The following CACNA1C variants were observed in gnomAD, a reference collection of about 807,000 sequenced individuals.
CACNA1C encodes voltage-dependent L-type calcium channel subunit alpha-1C.
A neutral mutation model predicts 229.0 loss-of-function variants in CACNA1C; 30 were observed. The ratio of observed to expected loss-of-function variants is 0.13; its 90% CI spans 0.10 to 0.18. CACNA1C has a LOEUF of 0.18. Among genes scored for constraint, CACNA1C ranks in the 10% least tolerant of loss-of-function variants. CACNA1C has a pLI of 1.00. For missense variants in CACNA1C, 1,658 were observed against 2,845.0 expected, an observed-to-expected ratio of 0.58 and a Z score of 9.49; for synonymous variants, 1,114 against 1,132.5, an observed-to-expected ratio of 0.98 and a Z score of 0.33.
chr12:2,190,167 C>A (rs2154295944), intron 3 of CACNA1C, among the ~76,000 whole-genome samples: 1 of 152,312 alleles, frequency 6.6e-6, no homozygotes, highest in South Asian at 2.1e-4. Context: ...ATGACACTGT[C>A]TCTCTCCTTA....
intron 3 of CACNA1C, among the ~76,000 whole-genome samples, chr12:2,347,908 G>T (rs959339667): frequency 3.3e-5 from 5 of 152,276 alleles, no homozygotes; most frequent in Admixed American, 2.6e-4. Flanking sequence ...TTGGTAGGCT[G>T]TTGGAGTATC....
intron 3 of CACNA1C, among the ~76,000 whole-genome samples, chr12:2,333,159 C>G (rs2096597706): frequency 6.6e-6 from 1 of 152,156 alleles, no homozygotes; most frequent in South Asian, 2.1e-4. Context: ...ACCTACAGGT[C>G]TTGATGGGCT....
intron 9 of CACNA1C, among the ~76,000 whole-genome samples, chr12:2,522,252 T>C (rs1178080378): frequency 1.3e-5 from 2 of 152,180 alleles, no homozygotes; most frequent in Non-Finnish European, 2.9e-5. Context: ...TAGAAAGCTC[T>C]TGGGAGGCAG....
At chr12:2,592,255 T>C (rs979052139) in intron 18 of CACNA1C, among the ~76,000 whole-genome samples, 1 of 152,224 alleles carries the variant, frequency 6.6e-6, no homozygotes. Context: ...GTAGAGGTTG[T>C]AATAAAAGCA....
intron 26 of CACNA1C, chr12:2,607,765 T>C (rs1357765777): frequency 6.6e-6 from 1 of 152,268 alleles, no homozygotes; most frequent in South Asian, 2.1e-4. Context: ...TTTCCCCCAA[T>C]ATGTATTCCA....
chr12:2,688,378 C>G, intron 45 of CACNA1C, 69 bp from the exon 46 acceptor site: 1 of 1,457,556 alleles, frequency 6.9e-7, no homozygotes, highest in Non-Finnish European at 9.6e-7. Context: ...AGTGCTTGCT[C>G]AGAAGCAGGG....
At chr12:2,169,570 T>C (rs1289443751) in intron 3 of CACNA1C, among the ~76,000 whole-genome samples, 10 of 152,166 alleles carry the variant, frequency 6.6e-5, no homozygotes, top group Admixed American at 6.5e-4. Flanking sequence ...GTCTCTCTCT[T>C]CTGTCATGTT....
intron 3 of CACNA1C, among the ~76,000 whole-genome samples, chr12:2,432,129 C>T (rs559013413): frequency 6.6e-6 from 1 of 152,286 alleles, no homozygotes; most frequent in African/African-American, 2.4e-5. Flanking sequence ...CAAAAAAAAG[C>T]CAAAATTATG....
In CACNA1C at chr12:2,486,237, C is replaced by T. The variant is rs1199427745; in HGVS notation, c.891C>T (p.Thr297=). 6.2e-7 allele frequency: 1 copy of T among 1,613,446 alleles called. No homozygotes were observed. The highest frequency in any genetic ancestry group is 1.3e-5 in the African/African-American group (1 of 74,892). The part of the protein sequence containing the change: ...LELFMGKMHK[T]CYNQEGIADV... ...TCTTCATGGGGAAGATGCACAAGACCTGCTACAACCAGGAGGGCATAGCAG... is the reference window on the plus strand; with the variant it reads ...TCTTCATGGGGAAGATGCACAAGACTTGCTACAACCAGGAGGGCATAGCAG... Residue 297 remains threonine, a synonymous_variant, in exon 6 of 47, where the codon ACC becomes ACT. Transcript: ENST00000399655. The surrounding 1 kb of genome is among the most constrained non-coding windows in gnomAD (Gnocchi z 4.9).
chr12:2,569,418 T>A (rs2053140928), intron 13 of CACNA1C, among the ~76,000 whole-genome samples: 1 of 152,218 alleles, frequency 6.6e-6, no homozygotes, highest in Non-Finnish European at 1.5e-5. Flanking sequence ...GTAGAACATT[T>A]TCATCACCCC....
chr12:2,467,081 C>T lies in CACNA1C; in HGVS notation c.757+9375C>T, dbSNP rs981305623. On this transcript the variant is annotated intron_variant, in intron 5 of 46. Transcript: ENST00000399655. The surrounding 1 kb of genome is among the most constrained non-coding windows in gnomAD (Gnocchi z 4.6). ...ATGTGCAGGGGGCCACCCCTGAGGC[C>T]GTCCCTCATTCTCCTTCACACAGCG... Among the ~76,000 whole-genome samples the T allele has an allele frequency of 5.9e-5, 9 of 152,288 alleles. No individual in the cohort carries two copies. Among genetic ancestry groups the T allele is most frequent in the African/African-American group, 1.4e-4 (6 of 41,564 alleles).
At chr12:2,106,109 C>T (rs568565276) in intron 1 of CACNA1C, among the ~76,000 whole-genome samples, 1 of 54,502 alleles carries the variant, frequency 1.8e-5, no homozygotes, top group Non-Finnish European at 4.5e-5. Flanking sequence ...CACTGGGCGC[C>T]CACCCTGGAG....
intron 5 of CACNA1C, among the ~76,000 whole-genome samples, chr12:2,480,007 G>A (rs549157642): frequency 9.2e-5 from 14 of 152,278 alleles, no homozygotes; most frequent in African/African-American, 3.1e-4. Flanking sequence ...GGCACCAGAT[G>A]GGGATTATTT....
chr12:2,607,751 T>C (rs1201031057), intron 26 of CACNA1C: 1 of 152,302 alleles, frequency 6.6e-6, no homozygotes, highest in Non-Finnish European at 1.5e-5. Context: ...TATAGATACC[T>C]GCTTTTCCCC....
chr12:2,684,574 A>C (rs1416304563), intron 43 of CACNA1C, among the ~76,000 whole-genome samples: 2 of 152,098 alleles, frequency 1.3e-5, no homozygotes, highest in African/African-American at 4.8e-5. Context: ...AAATTCCACA[A>C]ACTAGGAAAC....
chr12:2,419,430 C>A (rs1323183351), intron 3 of CACNA1C, among the ~76,000 whole-genome samples: 2 of 152,090 alleles, frequency 1.3e-5, no homozygotes, highest in Non-Finnish European at 1.5e-5. Flanking sequence ...GCCTGAACAC[C>A]CCCACCAGGC....
chr12:2,197,191 C>T (rs1275216806), intron 3 of CACNA1C, among the ~76,000 whole-genome samples: 2 of 152,164 alleles, frequency 1.3e-5, no homozygotes, highest in Non-Finnish European at 2.9e-5. Flanking sequence ...CACCTTGGCC[C>T]AGAACATACC....
intron 1 of CACNA1C, among the ~76,000 whole-genome samples, chr12:2,098,118 A>G (rs750117290): frequency 5.9e-5 from 9 of 152,180 alleles, no homozygotes; most frequent in Non-Finnish European, 1.3e-4. Context: ...CTTCTGGCCT[A>G]GTTCTTTTCC....
At chr12:2,648,330 A>T in intron 30 of CACNA1C, 145 bp from the exon 31 acceptor site, 1 of 748,074 alleles carries the variant, frequency 1.3e-6, no homozygotes, top group South Asian at 1.6e-5. Context: ...AGGACCTGCC[A>T]GGCCTACGCT....
Sources: allele counts gnomAD v4.1 joint callset (sites outside exome capture counted in the v4.1 genomes callset), GRCh38; gene constraint gnomAD v4.1.1; non-coding constraint Gnocchi (gnomAD v3.1); transcripts MANE v1.5; gene names NCBI Gene and HGNC (gene_info 2026-07-23, HGNC 2026-07-21).